Variants in COX10 observed in about 807,000 individuals in gnomAD.
The protein encoded by COX10 is protoheme IX farnesyltransferase, mitochondrial.
A neutral mutation model predicts 37.3 loss-of-function variants in COX10; 27 were observed. The observed-to-expected ratio is 0.72, with a 90% CI of 0.53 to 1.00. COX10 has a LOEUF of 1.00. COX10 is among the 50% of genes least tolerant of loss of function. COX10 has a pLI of 0.00. For missense variants in COX10, 475 were observed against 563.2 expected, an observed-to-expected ratio of 0.84 and a Z score of 1.59; for synonymous variants, 222 against 229.1, an observed-to-expected ratio of 0.97 and a Z score of 0.28.
At chr17:14,176,628 A>G (rs1905701163) in intron 5 of COX10, among the ~76,000 whole-genome samples, 2 of 152,140 alleles carry the variant, frequency 1.3e-5, no homozygotes, top group South Asian at 2.1e-4. Context: ...ATAACCTTCC[A>G]TGTACTTTAT....
chr17:14,142,712 T>C (rs1344508674), intron 4 of COX10, among the ~76,000 whole-genome samples: 2 of 152,198 alleles, frequency 1.3e-5, no homozygotes, highest in African/African-American at 4.8e-5. Context: ...TTCTTCCCAG[T>C]TTGCTATTAA....
chr17:14,134,092 A>G (rs565657139), intron 4 of COX10, among the ~76,000 whole-genome samples: 1 of 151,676 alleles, frequency 6.6e-6, no homozygotes, highest in East Asian at 1.9e-4. Flanking sequence ...AATATTTTTT[A>G]GTTACTTATA....
chr17:14,078,522 A>G (rs1364564263), intron 3 of COX10, among the ~76,000 whole-genome samples: 1 of 152,012 alleles, frequency 6.6e-6, no homozygotes, highest in Non-Finnish European at 1.5e-5. Flanking sequence ...TCTTGAGTCT[A>G]ATTTCTGTCA....
At chr17:14,170,626 G>A (rs184980895) in intron 5 of COX10, among the ~76,000 whole-genome samples, 347 of 152,262 alleles carry the variant, frequency 2.3e-3, no homozygotes, top group African/African-American at 8.1e-3. Flanking sequence ...ACCAGCCTGA[G>A]CAACGTAGTG....
intron 3 of COX10, among the ~76,000 whole-genome samples, chr17:14,078,322 G>A (rs1253341592): frequency 1.3e-5 from 2 of 152,154 alleles, no homozygotes; most frequent in African/African-American, 2.4e-5. Flanking sequence ...CTCTCAGCCC[G>A]TAGGCATCAG....
intron 4 of COX10, among the ~76,000 whole-genome samples, chr17:14,149,478 G>A (rs1904827023): frequency 6.6e-6 from 1 of 152,124 alleles, no homozygotes; most frequent in Non-Finnish European, 1.5e-5. Flanking sequence ...TGTTTTAGCG[G>A]CGATACTGTG....
chr17:14,138,133 A>G (rs116887164), intron 4 of COX10, among the ~76,000 whole-genome samples: 2 of 152,198 alleles, frequency 1.3e-5, no homozygotes, highest in East Asian at 1.9e-4. Flanking sequence ...GCTATAATAT[A>G]TTGGCTTGTA....
At chr17:14,135,711 A>G (rs1413145954) in intron 4 of COX10, among the ~76,000 whole-genome samples, 1 of 151,956 alleles carries the variant, frequency 6.6e-6, no homozygotes. Flanking sequence ...ATATGGAATT[A>G]CTGTTTTTTC....
intron 6 of COX10, among the ~76,000 whole-genome samples, chr17:14,205,271 T>TA (rs1251006692): frequency 1.3e-5 from 2 of 152,148 alleles, no homozygotes; most frequent in South Asian, 2.1e-4. Context: ...CCTTTATGAA[T>TA]ACTGTCCCCT....
In COX10 at chr17:14,123,606, G is replaced by C. The variant is rs139967254; in HGVS notation, c.624+21364G>C. On this transcript the variant is annotated intron_variant, in intron 4 of 6. Transcript: ENST00000261643. ...ATTAGGAAGGCAGTTTGTAATGAAAGCCATTAAATAGAGAATGTAAATGTT... is the reference window on the plus strand; with the variant it reads ...ATTAGGAAGGCAGTTTGTAATGAAACCCATTAAATAGAGAATGTAAATGTT... 1.3e-3 allele frequency among the ~76,000 whole-genome samples: 195 copies of C among 152,294 alleles called. 1 individual carries two copies. The highest frequency in any genetic ancestry group is 4.5e-3 in the African/African-American group (188 of 41,574).
chr17:14,095,928 T>C (rs2142195768), intron 3 of COX10, among the ~76,000 whole-genome samples: 2 of 152,318 alleles, frequency 1.3e-5, no homozygotes, highest in East Asian at 1.9e-4. Flanking sequence ...GATGTTTCAG[T>C]CTGTTTTCTT....
At chr17:14,168,335 G>T (rs1426229853) in intron 5 of COX10, among the ~76,000 whole-genome samples, 1 of 152,202 alleles carries the variant, frequency 6.6e-6, no homozygotes, top group African/African-American at 2.4e-5. Context: ...CTGCTTTCAT[G>T]GGCTGCCATT....
chr17:14,177,258 A>C, intron 5 of COX10: 4 of 730,088 alleles, frequency 5.5e-6, no homozygotes, highest in Non-Finnish European at 1.0e-5. Context: ...CTTCCTTGGG[A>C]GTGTGCCAAG....
intron 6 of COX10, 96 bp downstream of exon 6, chr17:14,192,317 C>G (rs1906231444): frequency 6.2e-7 from 1 of 1,613,660 alleles, no homozygotes; most frequent in Non-Finnish European, 8.5e-7. Flanking sequence ...TCCATTCCAT[C>G]CCACATTAAT....
rs535018006 is a variant in COX10, at chr17:14,131,357, A to T, written c.625-28520A>T. Among the ~76,000 whole-genome samples, 371 of 152,244 alleles carry T rather than the reference A, an allele frequency of 2.4e-3. 3 individuals carry two copies. Among genetic ancestry groups the T allele is most frequent in the African/African-American group, 8.5e-3 (352 of 41,576 alleles). ...TATTTTTTTAATACACATGATGTTT[A>T]TAAAGTTAAGTGAGAAGGCATGCTA... On this transcript the variant is annotated intron_variant, in intron 4 of 6. Coordinates refer to ENST00000261643, the MANE Select transcript of COX10 (RefSeq NM_001303.4).
intron 3 of COX10, among the ~76,000 whole-genome samples, chr17:14,101,512 C>A (rs1418861238): frequency 6.6e-6 from 1 of 152,164 alleles, no homozygotes; most frequent in Non-Finnish European, 1.5e-5. Flanking sequence ...AAAGGAGCAG[C>A]CTTGGTGGAA....
intron 5 of COX10, among the ~76,000 whole-genome samples, chr17:14,164,901 T>C (rs1905243838): frequency 6.6e-6 from 1 of 151,882 alleles, no homozygotes; most frequent in Non-Finnish European, 1.5e-5. Context: ...GGGAAAGTGT[T>C]TTCCCACGTA....
At chr17:14,135,669 G>A (rs1003340791) in intron 4 of COX10, among the ~76,000 whole-genome samples, 9 of 151,868 alleles carry the variant, frequency 5.9e-5, no homozygotes, top group African/African-American at 1.4e-4. Flanking sequence ...AAAGAACATC[G>A]TTTTGTTTTC....
chr17:14,143,645 A>G (rs930928914), intron 4 of COX10, among the ~76,000 whole-genome samples: 1 of 152,208 alleles, frequency 6.6e-6, no homozygotes, highest in African/African-American at 2.4e-5. Context: ...CTGAAGTTCA[A>G]AAACAAACTG....
Sources: allele counts gnomAD v4.1 joint callset (sites outside exome capture counted in the v4.1 genomes callset), GRCh38; gene constraint gnomAD v4.1.1; transcripts MANE v1.5; gene names NCBI Gene and HGNC (gene_info 2026-07-23, HGNC 2026-07-21).